SCHIP1: variants seen among roughly 807,000 people sequenced by gnomAD.
SCHIP1 encodes the protein schwannomin-interacting protein 1.
SCHIP1 carries 8 observed loss-of-function variants against 29.7 expected under a neutral mutation model. That is an observed-to-expected ratio of 0.27 (90% CI 0.16 to 0.49). SCHIP1 has a LOEUF of 0.49. SCHIP1 is among the 20% of genes least tolerant of loss of function. SCHIP1 has a pLI of 0.99. For missense variants in SCHIP1, 193 were observed against 294.6 expected, an observed-to-expected ratio of 0.66 and a Z score of 2.52; for synonymous variants, 76 against 94.9, an observed-to-expected ratio of 0.80 and a Z score of 1.16.
At chr3:159,394,052 A>G in the SCHIP1 span, among the ~76,000 whole-genome samples, 23,341 of 151,434 alleles carry the variant, frequency 0.15, 2,268 homozygotes, top group Middle Eastern at 0.29. Context: ...TTGGATTCCT[A>G]GGTATTTTAT....
chr3:159,887,850 A>G (rs1717109951), exon 4 of SCHIP1: 1 of 1,613,926 alleles, frequency 6.2e-7, no homozygotes, highest in Admixed American at 1.7e-5. Flanking sequence ...CCAATGGCCA[A>G]AATGCAAGTA....
chr3:159,500,557 C>CA, the SCHIP1 span, among the ~76,000 whole-genome samples: 5 of 151,646 alleles, frequency 3.3e-5, no homozygotes, highest in African/African-American at 7.3e-5. Flanking sequence ...ACTACAAATA[C>CA]AAAAAAATTA....
the SCHIP1 span, among the ~76,000 whole-genome samples, chr3:159,552,764 A>G: frequency 6.6e-6 from 1 of 152,224 alleles, no homozygotes; most frequent in Non-Finnish European, 1.5e-5. Context: ...GAAATTATAA[A>G]GTAGTGTTAA....
At chr3:159,708,742 C>T in the SCHIP1 span, among the ~76,000 whole-genome samples, 3 of 152,302 alleles carry the variant, frequency 2.0e-5, no homozygotes, top group Admixed American at 1.3e-4. Flanking sequence ...AGAGCTGTCA[C>T]CCTTAGGCCT....
the SCHIP1 span, among the ~76,000 whole-genome samples, chr3:159,588,411 AG>A: frequency 1.3e-5 from 2 of 152,146 alleles, no homozygotes; most frequent in African/African-American, 4.8e-5. Flanking sequence ...CCCATTCTGT[AG>A]GTTGCCAGTT....
At chr3:159,412,952 GA>G in the SCHIP1 span, among the ~76,000 whole-genome samples, 3 of 152,144 alleles carry the variant, frequency 2.0e-5, no homozygotes, top group African/African-American at 7.2e-5. Flanking sequence ...ATTTATAAAG[GA>G]AAAAGGTTTA....
the SCHIP1 span, among the ~76,000 whole-genome samples, chr3:159,750,588 T>C: frequency 1.3e-5 from 2 of 152,046 alleles, no homozygotes; most frequent in Non-Finnish European, 2.9e-5. Context: ...AGTCTATCCT[T>C]GGCCTGATGA....
chr3:159,331,954 T>C, the SCHIP1 span, among the ~76,000 whole-genome samples: 904 of 152,258 alleles, frequency 5.9e-3, 30 homozygotes, highest in Admixed American at 0.055. Flanking sequence ...CCCTGGGTCT[T>C]TGTGTAGGCT....
the SCHIP1 span, among the ~76,000 whole-genome samples, chr3:159,513,611 T>G: frequency 6.6e-6 from 1 of 152,132 alleles, no homozygotes; most frequent in Non-Finnish European, 1.5e-5. Context: ...CCAGCCCGGC[T>G]GCCACTCAGT....
the SCHIP1 span, among the ~76,000 whole-genome samples, chr3:159,327,990 C>T: frequency 8.5e-5 from 13 of 152,264 alleles, no homozygotes; most frequent in African/African-American, 2.6e-4. Context: ...AAACCCTGAG[C>T]GACCTGAACT....
chr3:159,465,756 T>A, the SCHIP1 span, among the ~76,000 whole-genome samples: 2 of 152,180 alleles, frequency 1.3e-5, no homozygotes, highest in Admixed American at 6.6e-5. Context: ...TTATGCATAA[T>A]GCTACAAAGG....
At chr3:159,313,190 G>C in the SCHIP1 span, among the ~76,000 whole-genome samples, 1 of 152,154 alleles carries the variant, frequency 6.6e-6, no homozygotes, top group Non-Finnish European at 1.5e-5. Flanking sequence ...AAGGATTACA[G>C]AAGAAGATTT....
At chr3:159,602,728 A>G in the SCHIP1 span, among the ~76,000 whole-genome samples, 1 of 150,444 alleles carries the variant, frequency 6.6e-6, no homozygotes, top group Admixed American at 6.6e-5. Context: ...AAAGAAAGAA[A>G]CAAACAAACA....
At chr3:159,442,862 C>G in the SCHIP1 span, among the ~76,000 whole-genome samples, 1 of 152,166 alleles carries the variant, frequency 6.6e-6, no homozygotes, top group Non-Finnish European at 1.5e-5. Context: ...ACTATAATAT[C>G]CCTTGCTTAG....
At chr3:159,282,145 G>A in the SCHIP1 span, among the ~76,000 whole-genome samples, 1 of 151,672 alleles carries the variant, frequency 6.6e-6, no homozygotes, top group Non-Finnish European at 1.5e-5. Context: ...TCATATTTTT[G>A]TTTCCTTACA....
chr3:159,542,450 A>G, the SCHIP1 span, among the ~76,000 whole-genome samples: 1 of 152,064 alleles, frequency 6.6e-6, no homozygotes, highest in Non-Finnish European at 1.5e-5. Context: ...AGAGTTTTAT[A>G]TAAGTGGGAT....
the SCHIP1 span, among the ~76,000 whole-genome samples, chr3:159,418,650 CTTTG>C: frequency 2.7e-4 from 41 of 152,332 alleles, no homozygotes; most frequent in African/African-American, 8.7e-4. Flanking sequence ...CCTTTTCTTT[CTTTG>C]TTTGTTTATT....
chr3:159,749,074 C>T, the SCHIP1 span, among the ~76,000 whole-genome samples: 1 of 151,992 alleles, frequency 6.6e-6, no homozygotes, highest in East Asian at 1.9e-4. Context: ...GAGTTCAAGA[C>T]CAGCCTTAGC....
the SCHIP1 span, among the ~76,000 whole-genome samples, chr3:159,388,804 A>G: frequency 7.2e-5 from 11 of 152,164 alleles, no homozygotes; most frequent in African/African-American, 2.7e-4. Flanking sequence ...CAACTCGGGA[A>G]ATGGATAAAC....
Sources: allele counts gnomAD v4.1 joint callset (sites outside exome capture counted in the v4.1 genomes callset), GRCh38; gene constraint gnomAD v4.1.1; transcripts MANE v1.5; gene names NCBI Gene and HGNC (gene_info 2026-07-23, HGNC 2026-07-21).